ARHGAP26: variants seen among roughly 807,000 people sequenced by gnomAD.
The protein encoded by ARHGAP26 is rho GTPase-activating protein 26.
A neutral mutation model predicts 104.8 loss-of-function variants in ARHGAP26; 38 were observed. That is an observed-to-expected ratio of 0.36 (90% CI 0.28 to 0.48). The LOEUF (loss-of-function observed/expected upper bound fraction) is 0.48, where lower values mean the gene tolerates loss of function less well. ARHGAP26 is among the 20% of genes least tolerant of loss of function. The probability of loss-of-function intolerance (pLI) is 0.99; values close to 1 mark genes in which losing one functional copy is unlikely to be tolerated. For synonymous variants in ARHGAP26, 341 were observed against 340.0 expected, an observed-to-expected ratio of 1.00 and a Z score of -0.03; for missense variants, 704 against 947.9, an observed-to-expected ratio of 0.74 and a Z score of 3.38.
chr5:142,828,182 TAAC>T (rs1217328824), intron 1 of ARHGAP26, among the ~76,000 whole-genome samples: 3 of 152,178 alleles, frequency 2.0e-5, no homozygotes, highest in Non-Finnish European at 4.4e-5. Context: ...TTGTATGAAA[TAAC>T]AACAATACTC....
intron 10 of ARHGAP26, among the ~76,000 whole-genome samples, chr5:142,929,331 A>G (rs13183877): frequency 0.017 from 2,516 of 152,262 alleles, 69 homozygotes; most frequent in African/African-American, 0.054. Flanking sequence ...AATTAAATTG[A>G]CATCCTGTAA....
At position 143,048,849 on chromosome 5, in the gene ARHGAP26, G is replaced by A. The variant is rs554085385; in HGVS notation, c.1286-5590G>A. Reference sequence around the variant, plus strand: ...GAATCGCTTGAACGTGGGAGGTGGAGGTTGCAGTGAGCTGAGTCGTGCCAT... The same window carrying A: ...GAATCGCTTGAACGTGGGAGGTGGAAGTTGCAGTGAGCTGAGTCGTGCCAT... On this transcript the variant is annotated intron_variant, in intron 14 of 22. Transcript: ENST00000645722. 2.6e-5 allele frequency among the ~76,000 whole-genome samples: 4 copies of A among 151,252 alleles called. No individual in the cohort carries two copies. The South Asian group carries it at 8.4e-4, about 32-fold the overall frequency.
chr5:143,161,321 C>T lies in ARHGAP26; in HGVS notation c.1988+13940C>T, dbSNP rs151320274. On this transcript the variant is annotated intron_variant, in intron 20 of 22. Transcript: ENST00000645722. ...GCCACTGCACCCGGCCTCAGATTTC[C>T]TATTAAAATTAGGGAGCCCTAACTT... 3.5e-3 allele frequency among the ~76,000 whole-genome samples: 535 copies of T among 152,182 alleles called. 3 individuals carry two copies. Among genetic ancestry groups the T allele is most frequent in the African/African-American group, 0.012 (516 of 41,494 alleles).
intron 18 of ARHGAP26, 39 bp downstream of exon 18, chr5:143,121,186 T>TG (rs1294553133): frequency 3.8e-6 from 6 of 1,591,968 alleles, no homozygotes; most frequent in East Asian, 2.2e-5. Flanking sequence ...AGAATGTACC[T>TG]GGGGGGAAGC....
At chr5:143,204,350 C>T (rs996606315) in intron 20 of ARHGAP26, among the ~76,000 whole-genome samples, 1 of 152,000 alleles carries the variant, frequency 6.6e-6, no homozygotes, top group Non-Finnish European at 1.5e-5. Context: ...TGGTGAAACC[C>T]TGTCTCTACT....
intron 20 of ARHGAP26, among the ~76,000 whole-genome samples, chr5:143,196,657 C>T (rs1189513230): frequency 6.6e-6 from 1 of 152,194 alleles, no homozygotes; most frequent in East Asian, 1.9e-4. Flanking sequence ...GAACATTTGA[C>T]AGTGCTTCAG....
intron 6 of ARHGAP26, among the ~76,000 whole-genome samples, chr5:142,898,191 C>T (rs200360096): frequency 3.7e-5 from 5 of 136,008 alleles, no homozygotes; most frequent in African/African-American, 8.9e-5. Context: ...CACACACACA[C>T]ATATATACAC....
At chr5:142,867,301 G>A (rs1369288385) in intron 1 of ARHGAP26, among the ~76,000 whole-genome samples, 2 of 146,088 alleles carry the variant, frequency 1.4e-5, no homozygotes, top group South Asian at 4.3e-4. Flanking sequence ...GTGTGTGTGT[G>A]TGTGTGTGTG....
intron 1 of ARHGAP26, among the ~76,000 whole-genome samples, chr5:142,829,454 A>G (rs1288394208): frequency 1.3e-5 from 2 of 152,214 alleles, no homozygotes; most frequent in Non-Finnish European, 2.9e-5. Context: ...CACCCAAATT[A>G]GCAAGAAAGA....
At chr5:143,178,496 C>G (rs150491475) in intron 20 of ARHGAP26, among the ~76,000 whole-genome samples, 1 of 152,354 alleles carries the variant, frequency 6.6e-6, no homozygotes. Context: ...CCTACCTACA[C>G]TTGCTAACAT....
Position 142,892,384 on chromosome 5 carries a change from G to A in ARHGAP26, c.487-1854G>A, listed in dbSNP as rs117539789. ...CCAGGACAGAAATCCCAGCTCTGCCGTATACTAGCTGTGTCACCTTAGTCA... is the reference window on the plus strand; with the variant it reads ...CCAGGACAGAAATCCCAGCTCTGCCATATACTAGCTGTGTCACCTTAGTCA... On this transcript the variant is annotated intron_variant, in intron 5 of 22. Coordinates refer to ENST00000645722, the MANE Select transcript of ARHGAP26 (RefSeq NM_001135608.3). 2.2e-3 allele frequency among the ~76,000 whole-genome samples: 328 copies of A among 152,044 alleles called. 9 individuals are homozygous for A. The East Asian group carries it at 0.056, about 26-fold the overall frequency.
At chr5:143,144,500 G>T (rs1385545160) in intron 19 of ARHGAP26, among the ~76,000 whole-genome samples, 3 of 152,068 alleles carry the variant, frequency 2.0e-5, no homozygotes, top group African/African-American at 7.2e-5. Flanking sequence ...TGAACTCCCA[G>T]GCTGAAGCAG....
At chr5:143,043,185 C>G (rs1170537122) in intron 14 of ARHGAP26, among the ~76,000 whole-genome samples, 1 of 152,212 alleles carries the variant, frequency 6.6e-6, no homozygotes, top group Non-Finnish European at 1.5e-5. Context: ...TGTACAAGCA[C>G]ATACCTCACT....
chr5:142,978,593 G>A (rs1288354303), intron 11 of ARHGAP26, among the ~76,000 whole-genome samples: 3 of 152,076 alleles, frequency 2.0e-5, no homozygotes. Flanking sequence ...TGTTAAATGG[G>A]GATGATTTTA....
chr5:143,185,838 T>A (rs1047629898), intron 20 of ARHGAP26, among the ~76,000 whole-genome samples: 2 of 152,272 alleles, frequency 1.3e-5, no homozygotes, highest in South Asian at 2.1e-4. Flanking sequence ...GAGTGAAGCT[T>A]CCCAGCCACA....
rs534368936 is a variant in ARHGAP26, at chr5:143,219,242, C to A, written c.2192-3116C>A. 2.0e-5 allele frequency among the ~76,000 whole-genome samples: 3 copies of A among 152,328 alleles called. No individual in the cohort carries two copies. In the South Asian group the frequency reaches 6.2e-4, roughly 32 times the overall value. On this transcript the variant is annotated intron_variant, in intron 22 of 22. Transcript: ENST00000645722. ...CCTCTCTGAGCCTTAATTTTCTCAT[C>A]TGCAAAATACAGATAATAATAATAC...
At chr5:143,149,568 T>G (rs1799565393) in intron 20 of ARHGAP26, among the ~76,000 whole-genome samples, 1 of 152,122 alleles carries the variant, frequency 6.6e-6, no homozygotes, top group African/African-American at 2.4e-5. Flanking sequence ...TAGGCAGTCC[T>G]AACAAATGGA....
intron 1 of ARHGAP26, among the ~76,000 whole-genome samples, chr5:142,812,531 T>C (rs1420879574): frequency 6.6e-6 from 1 of 151,466 alleles, no homozygotes; most frequent in Non-Finnish European, 1.5e-5. Context: ...AGAGGTGGGG[T>C]TTTGCCATGT....
At chr5:142,923,067 T>C (rs1349993478) in intron 10 of ARHGAP26, among the ~76,000 whole-genome samples, 1 of 148,936 alleles carries the variant, frequency 6.7e-6, no homozygotes, top group East Asian at 2.0e-4. Context: ...AGAATTCATG[T>C]AGTTTGAACT....
Sources: gnomAD v4.1 joint callset for allele counts (sites outside exome capture counted in the v4.1 genomes callset) on GRCh38, gnomAD v4.1.1 for gene constraint, MANE v1.5 for transcripts, NCBI Gene and HGNC (gene_info 2026-07-23, HGNC 2026-07-21) for gene names.